Variants in WDR88 observed in about 807,000 individuals in gnomAD.
WDR88 encodes WD repeat-containing protein 88.
In WDR88, 40 loss-of-function variants were observed where a neutral mutation model predicts 46.8. The ratio of observed to expected loss-of-function variants is 0.86; its 90% confidence interval spans 0.66 to 1.11. The LOEUF is 1.11. Ranked by LOEUF, WDR88 falls within the 50% of genes most tolerant of loss-of-function variation. WDR88 has a pLI of 0.00. For missense variants in WDR88, 562 were observed against 602.4 expected, an observed-to-expected ratio of 0.93 and a Z score of 0.70; for synonymous variants, 235 against 240.7, an observed-to-expected ratio of 0.98 and a Z score of 0.22.
chr19:33,142,956 T>C (rs949268801), intron 2 of WDR88, among the ~76,000 whole-genome samples: 3 of 137,760 alleles, frequency 2.2e-5, no homozygotes, highest in African/African-American at 5.3e-5. Flanking sequence ...TACCATCCCA[T>C]CCCCTGGGCA....
At chr19:33,167,168 T>C (rs1973966352) in intron 9 of WDR88, among the ~76,000 whole-genome samples, 1 of 152,020 alleles carries the variant, frequency 6.6e-6, no homozygotes, top group Non-Finnish European at 1.5e-5. Context: ...ATGCTCAACA[T>C]AATATTGGCA....
intron 1 of WDR88, among the ~76,000 whole-genome samples, chr19:33,136,493 AC>A (rs1973270477): frequency 6.6e-6 from 1 of 151,636 alleles, no homozygotes; most frequent in South Asian, 2.1e-4. Context: ...GCCCGGCCAC[AC>A]TATGGTTTTC....
At position 33,157,736 on chromosome 19, in the gene WDR88, TAA is replaced by T. The variant is rs60535215; in HGVS notation, c.997+1197_997+1198del. On this transcript the variant is annotated intron_variant, in intron 7 of 10. Transcript: ENST00000355868. ...ATATATATATATATATATATATATA[TAA>T]AATTAAAGAGGTAAAGAGGACCTTT... 5.6e-3 allele frequency among the ~76,000 whole-genome samples: 284 copies of T among 50,866 alleles called. 29 individuals are homozygous for T. Among genetic ancestry groups the T allele is most frequent in the African/African-American group, 0.038 (105 of 2,784 alleles). The allele number at this position is 50,866 out of a possible 152,430, so 33.4% of individuals were successfully genotyped here.
At chr19:33,174,055 T>C in intron 10 of WDR88, 1 of 926,034 alleles carries the variant, frequency 1.1e-6, no homozygotes, top group South Asian at 1.5e-5. Context: ...TTTCACCATG[T>C]TGGCCAGGTT....
chr19:33,171,961 C>T (rs557912831), intron 9 of WDR88, among the ~76,000 whole-genome samples: 34 of 152,160 alleles, frequency 2.2e-4, no homozygotes, highest in South Asian at 1.0e-3. Flanking sequence ...TTAGTAGAGA[C>T]GGGGTTTCAC....
At chr19:33,173,091 CAAAAAAAAAAAAAAA>C (rs60495323) in intron 10 of WDR88, among the ~76,000 whole-genome samples, 3 of 57,292 alleles carry the variant, frequency 5.2e-5, no homozygotes, top group Admixed American at 3.0e-4. Flanking sequence ...GACTCTGTCT[CAAAAAAAAAAAAAAA>C]AAAAAAAAAA....
chr19:33,172,680 G>A (rs1974057978), intron 10 of WDR88, among the ~76,000 whole-genome samples: 1 of 152,228 alleles, frequency 6.6e-6, no homozygotes, highest in South Asian at 2.1e-4. Context: ...GCAAACAGGA[G>A]TAGGAGTGCT....
chr19:33,174,906 TTC>T, intron 10 of WDR88: 11 of 985,418 alleles, frequency 1.1e-5, no homozygotes, highest in Non-Finnish European at 1.3e-5. Flanking sequence ...CCTGTGCTCA[TTC>T]TCTCTGCAAT....
chr19:33,165,358 G>GA (rs1037641416), intron 9 of WDR88, among the ~76,000 whole-genome samples: 41 of 140,320 alleles, frequency 2.9e-4, no homozygotes, highest in East Asian at 4.2e-4. Context: ...AAACATATCA[G>GA]AAAAAAAAAA....
At chr19:33,168,829 G>T (rs1398686821) in intron 9 of WDR88, among the ~76,000 whole-genome samples, 1 of 152,104 alleles carries the variant, frequency 6.6e-6, no homozygotes, top group Non-Finnish European at 1.5e-5. Context: ...AGGAGAAGAA[G>T]AAAATTGGAG....
Position 33,144,905 on chromosome 19 carries a change from A to G in WDR88, c.449A>G (p.Glu150Gly). 4 of 1,613,732 alleles carry G rather than the reference A, an allele frequency of 2.5e-6. No individual in the cohort carries two copies. In the African/African-American group the frequency reaches 4.0e-5, roughly 16 times the overall value. ...FEHRPKAPVVECSITGDSSRV... is the reference protein window; with the variant it reads ...FEHRPKAPVVGCSITGDSSRV... ...CACAGGCCCAAAGCTCCTGTTGTAG[A>G]GTGCAGCATCACCGGCGACAGCAGC... The change falls in exon 3 of 11, where the codon GAG (glutamate) becomes GGG (glycine). Residue 150 changes from glutamate (E) to glycine (G), a missense_variant. By Grantham distance (98) the Glu-to-Gly change is moderately conservative. Transcript: ENST00000355868.
intron 1 of WDR88, among the ~76,000 whole-genome samples, chr19:33,135,132 G>A (rs1973235925): frequency 6.6e-6 from 1 of 151,088 alleles, no homozygotes. Context: ...TATAATTCAC[G>A]TACCATATAA....
chr19:33,145,734 A>G (rs956790695), intron 3 of WDR88, among the ~76,000 whole-genome samples: 4 of 151,680 alleles, frequency 2.6e-5, no homozygotes, highest in Non-Finnish European at 5.9e-5. Context: ...GGGTTTCACC[A>G]TGTTGGCCAG....
intron 9 of WDR88, among the ~76,000 whole-genome samples, chr19:33,165,226 G>C (rs1218129444): frequency 2.0e-5 from 3 of 152,122 alleles, no homozygotes; most frequent in Non-Finnish European, 4.4e-5. Context: ...CACAGACTGG[G>C]GGGTCGGGGA....
chr19:33,156,201 A>C (rs1432270997), intron 6 of WDR88, among the ~76,000 whole-genome samples, 154 bp from the exon 7 acceptor site: 1 of 151,984 alleles, frequency 6.6e-6, no homozygotes, highest in Non-Finnish European at 1.5e-5. Flanking sequence ...GCTGACCCCC[A>C]CTTAGGTATG....
At chr19:33,160,909 CTCCTGTAA>C (rs1973853777) in intron 8 of WDR88, among the ~76,000 whole-genome samples, 1 of 152,150 alleles carries the variant, frequency 6.6e-6, no homozygotes, top group African/African-American at 2.4e-5. Flanking sequence ...CTGTGGCTCA[CTCCTGTAA>C]TCCCAGTACT....
chr19:33,160,658 GT>G (rs1973850149), intron 8 of WDR88, among the ~76,000 whole-genome samples, 162 bp downstream of exon 8: 1 of 152,194 alleles, frequency 6.6e-6, no homozygotes, highest in East Asian at 1.9e-4. Context: ...ACCACCGACT[GT>G]GAGGAGTGAA....
At chr19:33,145,653 G>C (rs1393224581) in intron 3 of WDR88, among the ~76,000 whole-genome samples, 3 of 151,840 alleles carry the variant, frequency 2.0e-5, no homozygotes, top group Non-Finnish European at 4.4e-5. Context: ...TCCTGCCTCA[G>C]CCTCCTGAGT....
chr19:33,148,134 G>C (rs1170162029), intron 4 of WDR88, among the ~76,000 whole-genome samples: 1 of 151,974 alleles, frequency 6.6e-6, no homozygotes, highest in Non-Finnish European at 1.5e-5. Flanking sequence ...CCAGGGTTCT[G>C]GCCCTTACCA....
Sources: gnomAD v4.1 joint callset for allele counts (sites outside exome capture counted in the v4.1 genomes callset) on GRCh38, gnomAD v4.1.1 for gene constraint, MANE v1.5 for transcripts, NCBI Gene and HGNC (gene_info 2026-07-23, HGNC 2026-07-21) for gene names.